PAX2: variants seen among roughly 807,000 people sequenced by gnomAD.
The protein encoded by PAX2 is paired box protein Pax-2.
In PAX2, 9 loss-of-function variants were observed where a neutral mutation model predicts 41.7. The ratio of observed to expected loss-of-function variants is 0.22; its 90% CI spans 0.13 to 0.38. The LOEUF (loss-of-function observed/expected upper bound fraction) is 0.38. PAX2 is among the 10% of genes least tolerant of loss of function. PAX2 has a pLI of 1.00. For missense variants in PAX2, 418 were observed against 531.6 expected (o/e 0.79, Z 2.10); for synonymous variants, 221 against 212.7 (o/e 1.04, Z -0.34).
In PAX2 at chr10:100,827,729, G is replaced by C; in HGVS notation, c.*110G>C. ...GGACCGACGCGACGCGATGCCTCCC[G>C]GCCACCGCCCCAGCCTCACCCCATC... is the stretch of plus-strand genomic sequence containing the variant. On this transcript the variant is annotated 3_prime_UTR_variant, in exon 10 of 10. Transcript: ENST00000355243. The surrounding 1 kb of genome is among the most constrained non-coding windows in gnomAD (Gnocchi z 8.5). The C allele has an allele frequency of 1.3e-6, 2 of 1,589,932 alleles. No homozygotes were observed. Among genetic ancestry groups the C allele is most frequent in the Non-Finnish European group, 1.7e-6 (2 of 1,161,336 alleles).
chr10:100,797,668 A>G (rs1847386841), intron 5 of PAX2, among the ~76,000 whole-genome samples: 1 of 152,222 alleles, frequency 6.6e-6, no homozygotes, highest in Non-Finnish European at 1.5e-5. Context: ...TACTATTTCT[A>G]CAATAGAGGT....
In PAX2 at chr10:100,824,905, CT is replaced by C. The variant is rs764527872; in HGVS notation, c.1021+157del. 1 of 1,613,566 alleles carries C rather than the reference CT, an allele frequency of 6.2e-7. No individual in the cohort carries two copies. On this transcript the variant is annotated intron_variant, in intron 8 of 9. Transcript: ENST00000355243. This position sits in a 1 kb window ranked among gnomAD's most constrained non-coding sequence, Gnocchi z 6.6. ...TTCTGTCCCTCTCTCTCCTTAGAGG[CT>C]GCAGTTGGTCCCTCATCCTCCCTCA...
intron 5 of PAX2, among the ~76,000 whole-genome samples, 186 bp downstream of exon 5, chr10:100,781,551 C>T (rs542177603): frequency 1.3e-5 from 2 of 152,216 alleles, no homozygotes; most frequent in African/African-American, 2.4e-5. Context: ...GGGCCATCAG[C>T]TTCACCATCT....
intron 3 of PAX2, among the ~76,000 whole-genome samples, chr10:100,766,774 A>G (rs945135333): frequency 6.6e-6 from 1 of 152,198 alleles, no homozygotes; most frequent in African/African-American, 2.4e-5. Context: ...CCTCTCACCC[A>G]CAACCACACC....
At chr10:100,771,067 A>AC (rs996010755) in intron 3 of PAX2, among the ~76,000 whole-genome samples, 1 of 151,820 alleles carries the variant, frequency 6.6e-6, no homozygotes, top group Non-Finnish European at 1.5e-5. Flanking sequence ...TTTAGCAAGC[A>AC]CCCCAGGGGA....
intron 3 of PAX2, among the ~76,000 whole-genome samples, chr10:100,757,124 G>T (rs1351191580): frequency 6.6e-6 from 1 of 152,240 alleles, no homozygotes; most frequent in Non-Finnish European, 1.5e-5. Context: ...ATGGTTTGCA[G>T]TGTAGAAGTT....
intron 5 of PAX2, among the ~76,000 whole-genome samples, chr10:100,785,710 C>T (rs948592336): frequency 5.3e-5 from 8 of 152,164 alleles, no homozygotes; most frequent in Middle Eastern, 3.2e-3. Flanking sequence ...CCCTTGTCTA[C>T]GAGCCTGGCT....
At position 100,824,520 on chromosome 10, in the gene PAX2, C is replaced by CGT. The variant is rs1292219722; in HGVS notation, c.920-128_920-127insGT. On this transcript the variant is annotated intron_variant, in intron 7 of 9. Coordinates refer to ENST00000355243, the MANE Select transcript of PAX2 (RefSeq NM_000278.5). The surrounding 1 kb of genome is among the most constrained non-coding windows in gnomAD (Gnocchi z 6.6). ...GCGCATTCAGGTGCACAGTGGCACA[C>CGT]ATACCCCTGCACGTCTGCACAGAGC... 1.3e-6 allele frequency: 1 copy of CGT among 767,552 alleles called. No homozygotes were observed. The highest frequency in any genetic ancestry group is 1.7e-5 in the African/African-American group (1 of 58,898). The allele number at this position is 767,552 out of a possible 1,614,324, so 47.5% of individuals were successfully genotyped here. A position where few individuals can be genotyped will look rare whatever the true frequency, so the allele number is the denominator to read the frequency against.
chr10:100,769,403 G>A (rs1354223873), intron 3 of PAX2, among the ~76,000 whole-genome samples: 10 of 152,036 alleles, frequency 6.6e-5, no homozygotes, highest in African/African-American at 1.5e-4. Context: ...TGAGGTGGGA[G>A]GATTACTTGA....
chr10:100,749,210 G>T (rs1845335259), intron 1 of PAX2: 4 of 989,418 alleles, frequency 4.0e-6, no homozygotes, highest in South Asian at 4.7e-5. Context: ...AGAGCAAAGG[G>T]GGGTGTGTGT....
intron 4 of PAX2, 107 bp downstream of exon 4, chr10:100,779,690 A>G (rs546868338): frequency 1.3e-4 from 112 of 840,652 alleles, no homozygotes; most frequent in African/African-American, 1.1e-3. Context: ...CCAGAGCCCA[A>G]CCTATTTGCC....
intron 5 of PAX2, among the ~76,000 whole-genome samples, chr10:100,802,805 C>T (rs998291358): frequency 3.9e-5 from 6 of 152,248 alleles, no homozygotes; most frequent in African/African-American, 1.4e-4. Context: ...ATCACTCACG[C>T]GCTCTCCTTC....
intron 5 of PAX2, among the ~76,000 whole-genome samples, chr10:100,785,268 A>G (rs1006461895): frequency 6.6e-6 from 1 of 152,180 alleles, no homozygotes; most frequent in African/African-American, 2.4e-5. Context: ...GGGGCCCAAA[A>G]CATTGCTGTT....
chr10:100,827,389 C>A lies in PAX2; in HGVS notation c.1109-154C>A, dbSNP rs1186339490. 1.3e-5 allele frequency among the ~76,000 whole-genome samples: 2 copies of A among 152,254 alleles called. No homozygotes were observed. Among genetic ancestry groups the A allele is most frequent in the East Asian group, 3.9e-4 (2 of 5,192 alleles). ...CATGCCCCGTGAACGCAACTATTCT[C>A]CGGGGCAACTGGCTCCACTGCCCAG... On this transcript the variant is annotated intron_variant, in intron 9 of 9. Transcript: ENST00000355243. This position sits in a 1 kb window ranked among gnomAD's most constrained non-coding sequence, Gnocchi z 8.5.
upstream of PAX2, among the ~76,000 whole-genome samples, chr10:100,742,843 C>CTTTTTTTTTTTTTTTTTTTTTTTTTT (rs61627823): frequency 7.3e-5 from 3 of 41,258 alleles, 1 homozygote; most frequent in Non-Finnish European, 1.3e-4. Flanking sequence ...TTCTTTCTTC[C>CTTTTTTTTTTTTTTTTTTTTTTTTTT]TTTTTTTTTT....
At chr10:100,786,799 A>G (rs921692773) in intron 5 of PAX2, 6 of 480,932 alleles carry the variant, frequency 1.2e-5, no homozygotes, top group South Asian at 8.1e-5. Context: ...CCTTACAGCC[A>G]GGCTGTGAGG....
chr10:100,801,165 C>A (rs1233050951), intron 5 of PAX2, among the ~76,000 whole-genome samples: 7 of 152,170 alleles, frequency 4.6e-5, no homozygotes, highest in Admixed American at 1.3e-4. Flanking sequence ...CCAGGATCCC[C>A]AGCAAATGTC....
intron 1 of PAX2, 46 bp from the exon 2 acceptor site, chr10:100,749,700 C>G: frequency 2.5e-6 from 4 of 1,589,490 alleles, no homozygotes; most frequent in Non-Finnish European, 3.4e-6. Context: ...AATGGCCGGT[C>G]CCTGCTGTGT....
At chr10:100,786,751 A>G (rs779452058) in intron 5 of PAX2, among the ~76,000 whole-genome samples, 4 of 152,154 alleles carry the variant, frequency 2.6e-5, no homozygotes, top group Non-Finnish European at 4.4e-5. Context: ...GCCTGCCTCC[A>G]GGGGTGGCCT....
Sources: gnomAD v4.1 joint callset for allele counts (sites outside exome capture counted in the v4.1 genomes callset) on GRCh38, gnomAD v4.1.1 for gene constraint, Gnocchi (gnomAD v3.1) non-coding constraint, MANE v1.5 for transcripts, NCBI Gene and HGNC (gene_info 2026-07-23, HGNC 2026-07-21) for gene names.